CLIC6: variants seen among roughly 807,000 people sequenced by gnomAD.
The protein encoded by CLIC6 is CLIC family member 6.
A neutral mutation model predicts 49.2 loss-of-function variants in CLIC6; 39 were observed. That is an observed-to-expected ratio of 0.79 (90% CI 0.61 to 1.04). The LOEUF (loss-of-function observed/expected upper bound fraction) is 1.04, where lower values mean the gene tolerates loss of function less well. CLIC6 is among the 50% of genes least tolerant of loss of function. CLIC6 has a pLI of 0.00. For missense variants in CLIC6, 988 were observed against 993.1 expected (o/e 0.99, Z 0.07); for synonymous variants, 446 against 433.4 (o/e 1.03, Z -0.36).
At position 34,716,862 on chromosome 21, in the gene CLIC6, T is replaced by TCTCTCTCTCTCACA; in HGVS notation, c.*381_*382insTCTCTCTCTCACAC. Reference sequence around the variant, plus strand: ...CTCTCTCTCTCTCTCTCTCTCTCTATCACACACACACACACACACACACAC... The same window carrying TCTCTCTCTCTCACA: ...CTCTCTCTCTCTCTCTCTCTCTCTATCTCTCTCTCTCACACACACACACACACACACACACACAC... On this transcript the variant is annotated 3_prime_UTR_variant, in exon 6 of 6. Coordinates refer to ENST00000349499, the MANE Select transcript of CLIC6 (RefSeq NM_053277.3). The TCTCTCTCTCTCACA allele has an allele frequency of 1.1e-4, 14 of 131,726 alleles. No individual in the cohort carries two copies. The highest frequency in any genetic ancestry group is 4.2e-4 in the African/African-American group (13 of 31,302). 8.2% of individuals were successfully genotyped at this position (131,726 alleles called of 1,614,324 possible).
intron 5 of CLIC6, among the ~76,000 whole-genome samples, chr21:34,710,994 C>T (rs1041969905): frequency 1.3e-5 from 2 of 152,196 alleles, no homozygotes; most frequent in Non-Finnish European, 2.9e-5. Context: ...CGCTCCCAGC[C>T]GCTCTATCAC....
rs201963067 is a variant in CLIC6 at position 34,708,089 on chromosome 21, T to A, written c.1610+20T>A. 1.7e-5 allele frequency: 27 copies of A among 1,613,832 alleles called. No individual in the cohort carries two copies. Among genetic ancestry groups the A allele is most frequent in the Non-Finnish European group, 2.3e-5 (27 of 1,179,762 alleles). On this transcript the variant is annotated intron_variant, in intron 3 of 5. Transcript: ENST00000349499. ...CCCGAGGTAGGCCTCAGAAAACCAG[T>A]GTTCATAACTTGATTGTCACTTTCC...
chr21:34,703,017 A>G (rs1158432630), intron 1 of CLIC6, among the ~76,000 whole-genome samples: 1 of 149,204 alleles, frequency 6.7e-6, no homozygotes, highest in Non-Finnish European at 1.5e-5. Context: ...GCGGCCCATT[A>G]TCACTCACTC....
chr21:34,710,443 A>G (rs1380164167), intron 5 of CLIC6, among the ~76,000 whole-genome samples: 6 of 152,210 alleles, frequency 3.9e-5, no homozygotes, highest in Non-Finnish European at 5.9e-5. Context: ...ATGTATTATT[A>G]GGGCTTAAAG....
rs576128447 is a variant in CLIC6 at position 34,710,537 on chromosome 21, G to C, written c.1899+999G>C. 4.9e-4 allele frequency among the ~76,000 whole-genome samples: 75 copies of C among 152,326 alleles called. 1 individual carries two copies. In the Middle Eastern group the frequency reaches 0.017, roughly 35 times the overall value. On this transcript the variant is annotated intron_variant, in intron 5 of 5. Coordinates refer to ENST00000349499, the MANE Select transcript of CLIC6 (RefSeq NM_053277.3). ...TTTAGAAATGTGAGTCCCCGGGCCA[G>C]GCATGGCGGCTCACGCCTGTAATCC...
intron 1 of CLIC6, among the ~76,000 whole-genome samples, chr21:34,693,975 CTTTT>C (rs71196904): frequency 8.0e-6 from 1 of 124,636 alleles, no homozygotes; most frequent in East Asian, 2.3e-4. Context: ...TTGTTGTTTT[CTTTT>C]TTTTTTTTTT....
intron 1 of CLIC6, among the ~76,000 whole-genome samples, chr21:34,702,452 C>G (rs1232597687): frequency 6.6e-6 from 1 of 152,160 alleles, no homozygotes; most frequent in Non-Finnish European, 1.5e-5. Flanking sequence ...CAGATGCTGA[C>G]AGTAATATCC....
At position 34,670,190 on chromosome 21, in the gene CLIC6, G is replaced by C; in HGVS notation, c.802G>C (p.Asp268His). ...CGTAGAAGCGGGGGTCCCGGCGGGG[G>C]ACAGCGTAGAAGCCGAAGGCCCGGC... ...DGVEAGVPAG[D>H]SVEAEGPAGD... The change falls in exon 1 of 6, where the codon GAC becomes CAC. Residue 268 changes from aspartate (D) to histidine (H), a missense_variant. Transcript: ENST00000349499. 1 of 887,740 alleles carries C rather than the reference G, an allele frequency of 1.1e-6. No homozygotes were observed. Among genetic ancestry groups the C allele is most frequent in the Non-Finnish European group, 1.5e-6 (1 of 667,886 alleles). 55.0% of individuals were successfully genotyped at this position (887,740 alleles called of 1,614,324 possible).
At chr21:34,695,018 C>A (rs1037821240) in intron 1 of CLIC6, among the ~76,000 whole-genome samples, 1 of 152,234 alleles carries the variant, frequency 6.6e-6, no homozygotes, top group Non-Finnish European at 1.5e-5. Context: ...ATTGCCATAA[C>A]AAATTACACC....
At chr21:34,709,968 A>G (rs1453771835) in intron 5 of CLIC6, among the ~76,000 whole-genome samples, 1 of 152,144 alleles carries the variant, frequency 6.6e-6, no homozygotes, top group African/African-American at 2.4e-5. Flanking sequence ...GGAGTGTTCT[A>G]TTAGCTTTTA....
chr21:34,702,360 G>C (rs1990205836), intron 1 of CLIC6, among the ~76,000 whole-genome samples: 1 of 152,166 alleles, frequency 6.6e-6, no homozygotes, highest in South Asian at 2.1e-4. Flanking sequence ...CCATGCAGAG[G>C]CGTGGGGGCG....
intron 5 of CLIC6, among the ~76,000 whole-genome samples, chr21:34,712,717 T>G (rs2056064599): frequency 6.6e-6 from 1 of 152,188 alleles, no homozygotes; most frequent in Non-Finnish European, 1.5e-5. Context: ...AGTGGCATTT[T>G]GCATTGTGAC....
chr21:34,684,563 T>G (rs1434592574), intron 1 of CLIC6, among the ~76,000 whole-genome samples: 2 of 152,234 alleles, frequency 1.3e-5, no homozygotes, highest in Non-Finnish European at 2.9e-5. Flanking sequence ...TAATTTTATA[T>G]TACTATCCAT....
chr21:34,712,419 A>T (rs899649797), intron 5 of CLIC6, among the ~76,000 whole-genome samples: 1 of 152,192 alleles, frequency 6.6e-6, no homozygotes, highest in African/African-American at 2.4e-5. Flanking sequence ...GAGCCACAGA[A>T]CCATTACATG....
chr21:34,705,985 T>A, intron 1 of CLIC6: 1 of 660,432 alleles, frequency 1.5e-6, no homozygotes, highest in Non-Finnish European at 2.7e-6. Flanking sequence ...CTCTGTATAT[T>A]TTTTAAATTA....
At chr21:34,698,685 T>C (rs1990134003) in intron 1 of CLIC6, among the ~76,000 whole-genome samples, 1 of 152,184 alleles carries the variant, frequency 6.6e-6, no homozygotes, top group African/African-American at 2.4e-5. Flanking sequence ...TATGCTTTCA[T>C]TGTACATGAA....
intron 1 of CLIC6, among the ~76,000 whole-genome samples, chr21:34,679,622 A>G (rs2145799851): frequency 6.6e-6 from 1 of 152,358 alleles, no homozygotes; most frequent in Admixed American, 6.5e-5. Context: ...AGTCAAAAGC[A>G]AGTTAGTTAC....
intron 5 of CLIC6, among the ~76,000 whole-genome samples, chr21:34,711,796 G>A (rs1466020747): frequency 1.3e-5 from 2 of 152,038 alleles, no homozygotes; most frequent in Non-Finnish European, 2.9e-5. Context: ...GATCCCTTGG[G>A]CAGATGTCTT....
intron 1 of CLIC6, among the ~76,000 whole-genome samples, chr21:34,705,260 G>T (rs183127949): frequency 6.6e-6 from 1 of 152,108 alleles, no homozygotes. Context: ...AAAGTTCCAC[G>T]GTTTAAGAGG....
Sources: gnomAD v4.1 joint callset for allele counts (sites outside exome capture counted in the v4.1 genomes callset) on GRCh38, gnomAD v4.1.1 for gene constraint, MANE v1.5 for transcripts, NCBI Gene and HGNC (gene_info 2026-07-23, HGNC 2026-07-21) for gene names.